ISM1: variants seen among roughly 807,000 people sequenced by gnomAD.
The protein encoded by ISM1 is isthmin 1, also known as isthmin-1.
A neutral mutation model predicts 46.3 loss-of-function variants in ISM1; 25 were observed. That is an observed-to-expected ratio of 0.54 (90% CI 0.39 to 0.75). The LOEUF (loss-of-function observed/expected upper bound fraction) is 0.75. ISM1 is among the 30% of genes least tolerant of loss of function. The pLI, the probability that ISM1 is intolerant of heterozygous loss-of-function variation, is 0.00. For missense variants in ISM1, 536 were observed against 625.4 expected, an observed-to-expected ratio of 0.86 and a Z score of 1.52; for synonymous variants, 255 against 256.7, an observed-to-expected ratio of 0.99 and a Z score of 0.06.
At chr20:13,268,904 AC>A (rs1331082455) in intron 1 of ISM1, among the ~76,000 whole-genome samples, 1 of 152,118 alleles carries the variant, frequency 6.6e-6, no homozygotes. Flanking sequence ...ACAGAGCAAG[AC>A]CCTGTCTCTA....
intron 3 of ISM1, among the ~76,000 whole-genome samples, chr20:13,282,890 G>A (rs1421154018): frequency 6.6e-6 from 1 of 152,148 alleles, no homozygotes. Context: ...AAAACTCTAC[G>A]CCCATTGTAG....
chr20:13,252,579 C>G (rs1443087262), intron 1 of ISM1, among the ~76,000 whole-genome samples: 1 of 151,996 alleles, frequency 6.6e-6, no homozygotes, highest in Non-Finnish European at 1.5e-5. Context: ...GGTGAAACCC[C>G]GTCTCTACTA....
the ISM1 span, among the ~76,000 whole-genome samples, chr20:13,323,556 C>T: frequency 2.0e-5 from 3 of 152,186 alleles, no homozygotes; most frequent in Non-Finnish European, 2.9e-5. Context: ...TATGAAACTA[C>T]GTTTTCTTGG....
intron 1 of ISM1, among the ~76,000 whole-genome samples, chr20:13,249,370 C>T (rs755007588): frequency 1.3e-5 from 2 of 152,162 alleles, no homozygotes; most frequent in South Asian, 2.1e-4. Context: ...AGACCACTGC[C>T]GCCAGACATG....
chr20:13,241,727 G>C (rs1008694949), intron 1 of ISM1, among the ~76,000 whole-genome samples: 4 of 152,022 alleles, frequency 2.6e-5, no homozygotes, highest in Non-Finnish European at 5.9e-5. Context: ...GTGAAGGAAG[G>C]GCAGTTGGAT....
At chr20:13,222,794 A>T (rs2039466824) in intron 1 of ISM1, among the ~76,000 whole-genome samples, 1 of 152,202 alleles carries the variant, frequency 6.6e-6, no homozygotes, top group Non-Finnish European at 1.5e-5. Context: ...TAGGGGTGGG[A>T]CAACTGTAAA....
In ISM1 at chr20:13,268,831, C is replaced by A. The variant is rs149227712; in HGVS notation, c.139-1673C>A. Among the ~76,000 whole-genome samples, 98 of 152,294 alleles carry A rather than the reference C, an allele frequency of 6.4e-4. 2 individuals are homozygous for A. In the East Asian group the frequency reaches 0.019, roughly 29 times the overall value. On this transcript the variant is annotated intron_variant, in intron 1 of 5. Coordinates refer to ENST00000262487, the MANE Select transcript of ISM1 (RefSeq NM_080826.2). The stretch of plus-strand genomic sequence containing the variant: ...TTGGGAGGCTGAGGTGGGAGGATTA[C>A]TTGAGCCCAGGAGTCTGAGGTTGTA...
intron 1 of ISM1, among the ~76,000 whole-genome samples, chr20:13,269,493 C>T: frequency 6.6e-6 from 1 of 152,340 alleles, no homozygotes; most frequent in African/African-American, 2.4e-5. Context: ...TCCTCATCAC[C>T]TATGGTTCTT....
At chr20:13,227,555 C>T (rs6131454) in intron 1 of ISM1, among the ~76,000 whole-genome samples, 1 of 146,512 alleles carries the variant, frequency 6.8e-6, no homozygotes. Context: ...GTCACCCAGG[C>T]TGGAGTGCAG....
chr20:13,280,391 AC>A (rs33933983), intron 3 of ISM1, among the ~76,000 whole-genome samples: 56,750 of 131,596 alleles, frequency 0.43, 11,473 homozygotes, highest in Non-Finnish European at 0.45. Flanking sequence ...CTTCAAAGTA[AC>A]CCCCCCCCCC....
the ISM1 span, among the ~76,000 whole-genome samples, chr20:13,311,172 C>A: frequency 1.3e-5 from 2 of 150,276 alleles, no homozygotes; most frequent in African/African-American, 4.9e-5. Flanking sequence ...CCAGCCTGGG[C>A]AACAAGAGTG....
chr20:13,308,264 G>A, the ISM1 span, among the ~76,000 whole-genome samples: 4 of 152,162 alleles, frequency 2.6e-5, 1 homozygote, highest in African/African-American at 9.7e-5. Flanking sequence ...TGAATCTGAT[G>A]TAACTCAGAT....
intron 5 of ISM1, among the ~76,000 whole-genome samples, chr20:13,295,244 T>G (rs1427946966): frequency 6.6e-6 from 1 of 152,198 alleles, no homozygotes; most frequent in Non-Finnish European, 1.5e-5. Flanking sequence ...GTATCTCACC[T>G]GGACCCTCCC....
At chr20:13,304,913 A>T (rs2040488272), downstream of ISM1, among the ~76,000 whole-genome samples, 1 of 152,144 alleles carries the variant, frequency 6.6e-6, no homozygotes, top group Admixed American at 6.5e-5. Flanking sequence ...GGAATCTTCT[A>T]CCAAATAAGC....
In ISM1 at chr20:13,299,125, C is replaced by T. The variant is rs1395671218; in HGVS notation, c.1061C>T (p.Pro354Leu). ...TTCCGCTGGAAGGACGCCAGCGGGC[C>T]CAAGGAGAAGCTGGAGATCTACAAG... is the stretch of plus-strand genomic sequence containing the variant. ...KDFRWKDASGPKEKLEIYKPT... is the reference protein window; with the variant it reads ...KDFRWKDASGLKEKLEIYKPT... The change falls in exon 6 of 6, where the codon CCC becomes CTC. Residue 354 changes from proline (P) to leucine (L), a missense_variant. By Grantham distance (98) the Pro-to-Leu change is moderately conservative. Around this residue, in one of 2 missense-constraint regions of ISM1, gnomAD observed 169 missense variants for 249.3 expected, o/e 0.68. Transcript: ENST00000262487. The surrounding 1 kb of genome is among the most constrained non-coding windows in gnomAD (Gnocchi z 5.8). 3.7e-6 allele frequency: 6 copies of T among 1,613,074 alleles called. No individual in the cohort carries two copies. The South Asian group carries it at 6.6e-5, about 18-fold the overall frequency.
chr20:13,261,425 C>CAA (rs61066966), intron 1 of ISM1, among the ~76,000 whole-genome samples: 1 of 105,244 alleles, frequency 9.5e-6, no homozygotes, highest in African/African-American at 3.6e-5. Context: ...AACTCTGTCT[C>CAA]AAAAAAAAAA....
At chr20:13,239,852 A>C (rs1448708311) in intron 1 of ISM1, among the ~76,000 whole-genome samples, 1 of 152,166 alleles carries the variant, frequency 6.6e-6, no homozygotes, top group Non-Finnish European at 1.5e-5. Context: ...CCAGTACCAG[A>C]CTCCAAAGCA....
chr20:13,252,413 C>T (rs1568671358), intron 1 of ISM1, among the ~76,000 whole-genome samples: 1 of 152,092 alleles, frequency 6.6e-6, no homozygotes. Flanking sequence ...ATGGGTTCAT[C>T]GTGGGGAGGC....
At chr20:13,309,125 A>G in the ISM1 span, among the ~76,000 whole-genome samples, 2 of 152,216 alleles carry the variant, frequency 1.3e-5, no homozygotes, top group African/African-American at 4.8e-5. Context: ...AAAACTCACA[A>G]TGCAAGGCTA....
Sources: allele counts gnomAD v4.1 joint callset (sites outside exome capture counted in the v4.1 genomes callset), GRCh38; gene constraint gnomAD v4.1.1; regional missense constraint gnomAD v4.1.1; non-coding constraint Gnocchi (gnomAD v3.1); transcripts MANE v1.5; gene names NCBI Gene and HGNC (gene_info 2026-07-23, HGNC 2026-07-21).